GRID2: variants seen among roughly 807,000 people sequenced by gnomAD.
GRID2 encodes glutamate receptor ionotropic, delta-2.
GRID2 carries 33 observed loss-of-function variants against 114.8 expected under a neutral mutation model. The observed-to-expected ratio is 0.29, with a 90% CI of 0.22 to 0.38. The LOEUF is 0.38. Among genes scored for constraint, GRID2 ranks in the 10% least tolerant of loss-of-function variants. GRID2 has a pLI of 1.00. For missense variants in GRID2, 1,184 were observed against 1,257.7 expected (o/e 0.94, Z 0.89); for synonymous variants, 505 against 449.9 (o/e 1.12, Z -1.55).
chr4:93,253,386 A>G (rs1329084207), intron 8 of GRID2, among the ~76,000 whole-genome samples: 1 of 152,188 alleles, frequency 6.6e-6, no homozygotes, highest in Non-Finnish European at 1.5e-5. Context: ...GAACATTTAA[A>G]AATTATAGAT....
chr4:93,229,065 G>A (rs1322912155), intron 7 of GRID2, among the ~76,000 whole-genome samples: 1 of 151,984 alleles, frequency 6.6e-6, no homozygotes, highest in Non-Finnish European at 1.5e-5. Flanking sequence ...CATTCTTTGT[G>A]TCAAGAAACT....
intron 8 of GRID2, among the ~76,000 whole-genome samples, chr4:93,261,062 G>A (rs748934940): frequency 6.6e-6 from 1 of 151,746 alleles, no homozygotes; most frequent in Non-Finnish European, 1.5e-5. Flanking sequence ...CTGAGGGTTA[G>A]ATGTGCATGA....
At chr4:92,549,122 CA>C (rs35094573) in intron 1 of GRID2, among the ~76,000 whole-genome samples, 162 of 111,964 alleles carry the variant, frequency 1.4e-3, no homozygotes, top group Admixed American at 1.6e-3. Context: ...AGGTCTTCCG[CA>C]AAAAAAAAAA....
intron 5 of GRID2, among the ~76,000 whole-genome samples, chr4:93,214,617 A>G (rs185221170): frequency 1.1e-4 from 16 of 152,120 alleles, no homozygotes; most frequent in African/African-American, 3.1e-4. Flanking sequence ...CCCTTCCCCA[A>G]ATAATAATAG....
chr4:93,078,990 A>G (rs1729614816), intron 2 of GRID2, among the ~76,000 whole-genome samples: 1 of 149,814 alleles, frequency 6.7e-6, no homozygotes, highest in Non-Finnish European at 1.5e-5. Context: ...ATCAAAAAAT[A>G]TGTGTTCCAG....
chr4:93,441,356 A>C (rs1721603021), intron 10 of GRID2, among the ~76,000 whole-genome samples: 1 of 152,096 alleles, frequency 6.6e-6, no homozygotes, highest in Admixed American at 6.6e-5. Flanking sequence ...TTTATTTAAC[A>C]TGCCAGTTCT....
intron 1 of GRID2, among the ~76,000 whole-genome samples, chr4:92,566,820 A>G (rs1727360970): frequency 6.6e-6 from 1 of 152,082 alleles, no homozygotes; most frequent in Admixed American, 6.6e-5. Context: ...CACTCAAAGT[A>G]TGACTAGTAT....
At chr4:92,387,833 C>A (rs1250898970) in intron 1 of GRID2, among the ~76,000 whole-genome samples, 1 of 151,932 alleles carries the variant, frequency 6.6e-6, no homozygotes, top group Non-Finnish European at 1.5e-5. Flanking sequence ...TTCCCTAATT[C>A]AAAAATTCAG....
chr4:92,750,995 C>A (rs1046870522), intron 2 of GRID2, among the ~76,000 whole-genome samples: 21 of 152,046 alleles, frequency 1.4e-4, no homozygotes, highest in South Asian at 1.2e-3. Context: ...ATAAGAAAAT[C>A]GTATTTCACT....
chr4:92,838,729 A>C (rs910884485), intron 2 of GRID2: 1 of 152,114 alleles, frequency 6.6e-6, no homozygotes, highest in Non-Finnish European at 1.5e-5. Context: ...GTTACTGTCT[A>C]TATGAAGGTG....
intron 2 of GRID2, among the ~76,000 whole-genome samples, chr4:93,064,330 A>T (rs1728075260): frequency 6.6e-6 from 1 of 151,668 alleles, no homozygotes; most frequent in Non-Finnish European, 1.5e-5. Flanking sequence ...TTGAAATAGT[A>T]ATGTGACCTA....
chr4:92,485,346 ATAGT>A (rs1198505206), intron 1 of GRID2, among the ~76,000 whole-genome samples: 243 of 54,380 alleles, frequency 4.5e-3, no homozygotes, highest in Middle Eastern at 0.01. Context: ...ATATATATAT[ATAGT>A]GTGTGTGTGT....
In GRID2 at chr4:93,621,093, G is replaced by A. The variant is rs896662849; in HGVS notation, c.2194-5176G>A. Among the ~76,000 whole-genome samples, 21 of 152,128 alleles carry A rather than the reference G, an allele frequency of 1.4e-4. No individual in the cohort carries two copies. The East Asian group carries it at 3.5e-3, about 25-fold the overall frequency. The stretch of plus-strand genomic sequence containing the variant: ...ATATTCCTTATAGACTTAACCTTCA[G>A]GATTTTAGAGTTAATGTGTAATGAT... On this transcript the variant is annotated intron_variant, in intron 13 of 15. Coordinates refer to ENST00000282020, the MANE Select transcript of GRID2 (RefSeq NM_001510.4).
At chr4:92,813,414 A>ATT (rs1740743997) in intron 2 of GRID2, among the ~76,000 whole-genome samples, 1 of 152,152 alleles carries the variant, frequency 6.6e-6, no homozygotes, top group Non-Finnish European at 1.5e-5. Flanking sequence ...GTTCTACTTA[A>ATT]TTATCTCCCA....
chr4:93,305,188 A>G (rs1179816432), intron 8 of GRID2, among the ~76,000 whole-genome samples: 1 of 152,182 alleles, frequency 6.6e-6, no homozygotes, highest in Non-Finnish European at 1.5e-5. Flanking sequence ...GCTCATAGAA[A>G]TGACAGCTGT....
At chr4:93,036,298 T>C (rs761549909) in intron 2 of GRID2, among the ~76,000 whole-genome samples, 82 of 152,236 alleles carry the variant, frequency 5.4e-4, no homozygotes, top group Non-Finnish European at 9.3e-4. Context: ...ACTCTCCAAC[T>C]TATATAGTAT....
At chr4:92,894,824 G>C (rs1374942620) in intron 2 of GRID2, among the ~76,000 whole-genome samples, 1 of 151,984 alleles carries the variant, frequency 6.6e-6, no homozygotes, top group Non-Finnish European at 1.5e-5. Context: ...TTTCCCTCCT[G>C]AGAATCAAGA....
chr4:93,729,581 T>G (rs1485034642), intron 14 of GRID2, among the ~76,000 whole-genome samples: 1 of 152,102 alleles, frequency 6.6e-6, no homozygotes, highest in African/African-American at 2.4e-5. Flanking sequence ...AGTCTCACTT[T>G]GTTGCACAGG....
chr4:92,744,477 T>G (rs754540342), intron 2 of GRID2, among the ~76,000 whole-genome samples: 61 of 139,254 alleles, frequency 4.4e-4, no homozygotes, highest in Non-Finnish European at 7.8e-4. Flanking sequence ...GACAGAGCAA[T>G]CCTCCATCTC....
Sources: gnomAD v4.1 joint callset for allele counts (sites outside exome capture counted in the v4.1 genomes callset) on GRCh38, gnomAD v4.1.1 for gene constraint, MANE v1.5 for transcripts, NCBI Gene and HGNC (gene_info 2026-07-23, HGNC 2026-07-21) for gene names.